UHRF2: variants seen among roughly 807,000 people sequenced by gnomAD.
UHRF2 encodes the protein ubiquitin like with PHD and ring finger domains 2, also known as E3 ubiquitin-protein ligase UHRF2.
A neutral mutation model predicts 96.8 loss-of-function variants in UHRF2; 23 were observed. That is an observed-to-expected ratio of 0.24 (90% confidence interval 0.17 to 0.34). UHRF2 has a LOEUF of 0.34. Ranked by LOEUF, UHRF2 falls within the 10% of genes least tolerant of loss-of-function variation. UHRF2 has a pLI of 1.00. For synonymous variants in UHRF2, 385 were observed against 332.6 expected, an observed-to-expected ratio of 1.16 and a Z score of -1.72; for missense variants, 685 against 981.5, an observed-to-expected ratio of 0.70 and a Z score of 4.04.
chr9:6,472,207 A>G (rs1282354413), intron 4 of UHRF2, among the ~76,000 whole-genome samples: 1 of 152,348 alleles, frequency 6.6e-6, no homozygotes, highest in South Asian at 2.1e-4. Context: ...TTTAGTCTCC[A>G]GAATTTTGAC....
rs1475969104 is a variant in UHRF2, at chr9:6,419,033, CTTA to C, written c.154-1874_154-1872del. ...CCGGCTGCATCTTTCCAAATGTCCCCTTATTATGAGGACACTAGCCATATTGGA... is the reference window on the plus strand; with the variant it reads ...CCGGCTGCATCTTTCCAAATGTCCCCTTATGAGGACACTAGCCATATTGGA... On this transcript the variant is annotated intron_variant, in intron 1 of 15. Coordinates refer to ENST00000276893, the MANE Select transcript of UHRF2 (RefSeq NM_152896.3). 3.9e-5 allele frequency among the ~76,000 whole-genome samples: 6 copies of C among 152,130 alleles called. No individual in the cohort carries two copies. The East Asian group carries it at 1.2e-3, about 29-fold the overall frequency.
At chr9:6,419,197 C>T (rs1240726962) in intron 1 of UHRF2, among the ~76,000 whole-genome samples, 1 of 152,148 alleles carries the variant, frequency 6.6e-6, no homozygotes, top group African/African-American at 2.4e-5. Context: ...TAGCTCGTAA[C>T]AGTAGGTTTT....
intron 3 of UHRF2, chr9:6,449,269 A>G (rs1159816020): frequency 6.6e-6 from 1 of 152,252 alleles, no homozygotes; most frequent in Non-Finnish European, 1.5e-5. Context: ...TCCCTCAGCC[A>G]GTGACCAAGT....
intron 12 of UHRF2, chr9:6,498,509 G>C (rs1267998448): frequency 6.0e-6 from 1 of 165,326 alleles, no homozygotes; most frequent in East Asian, 1.7e-4. Context: ...CACAGGGGGT[G>C]TCTCTCTGGT....
chr9:6,433,832 C>T, intron 2 of UHRF2, 82 bp from the exon 3 acceptor site: 2 of 1,436,132 alleles, frequency 1.4e-6, no homozygotes, highest in Non-Finnish European at 1.9e-6. Flanking sequence ...CATGATAACC[C>T]ACAAATAACT....
chr9:6,423,498 A>G, intron 2 of UHRF2, among the ~76,000 whole-genome samples: 1 of 152,328 alleles, frequency 6.6e-6, no homozygotes, highest in East Asian at 1.9e-4. Flanking sequence ...ACTTTAAGCA[A>G]ATATGGTTTG....
At chr9:6,413,853 G>C in intron 1 of UHRF2, 5 of 514,582 alleles carry the variant, frequency 9.7e-6, no homozygotes, top group East Asian at 3.7e-5. Flanking sequence ...CTGGAGGTGC[G>C]CCGCGCGGGG....
chr9:6,488,540 C>CTTTTTTTTTTTTTTTT (rs58280407), intron 9 of UHRF2, among the ~76,000 whole-genome samples: 15 of 83,812 alleles, frequency 1.8e-4, no homozygotes, highest in African/African-American at 3.8e-4. Flanking sequence ...TTTTTCTTTT[C>CTTTTTTTTTTTTTTTT]TTTTTTTTTT....
intron 10 of UHRF2, 56 bp downstream of exon 10, chr9:6,493,988 G>A (rs1310907474): frequency 6.8e-7 from 1 of 1,474,482 alleles, no homozygotes; most frequent in Non-Finnish European, 9.3e-7. Context: ...TTCATTATAG[G>A]ACTGTAAATT....
chr9:6,445,923 C>T (rs1417637121), intron 3 of UHRF2, among the ~76,000 whole-genome samples: 2 of 145,912 alleles, frequency 1.4e-5, no homozygotes, highest in African/African-American at 5.0e-5. Flanking sequence ...TTTTGCTTTT[C>T]ATTTACTAAT....
intron 6 of UHRF2, among the ~76,000 whole-genome samples, chr9:6,479,378 G>A (rs919575039): frequency 2.0e-5 from 3 of 151,982 alleles, no homozygotes; most frequent in Non-Finnish European, 4.4e-5. Context: ...AGGTAATCCC[G>A]ATTTTCTACC....
chr9:6,470,328 G>A (rs1218337888), intron 4 of UHRF2, among the ~76,000 whole-genome samples: 1 of 149,858 alleles, frequency 6.7e-6, no homozygotes, highest in African/African-American at 2.5e-5. Context: ...AGCTGAGATC[G>A]TGCCTAGGTG....
At chr9:6,456,078 T>G (rs1177525024) in intron 3 of UHRF2, among the ~76,000 whole-genome samples, 1 of 152,210 alleles carries the variant, frequency 6.6e-6, no homozygotes, top group Non-Finnish European at 1.5e-5. Flanking sequence ...TTAGGAAATA[T>G]ACGTACAGCC....
chr9:6,482,175 G>T (rs548769971), intron 8 of UHRF2, 76 bp downstream of exon 8: 2 of 1,200,236 alleles, frequency 1.7e-6, no homozygotes, highest in East Asian at 2.3e-5. Context: ...TCTGTTGATT[G>T]TAAGTGAACC....
chr9:6,475,777 G>A (rs1463801617), intron 5 of UHRF2, among the ~76,000 whole-genome samples: 1 of 151,934 alleles, frequency 6.6e-6, no homozygotes, highest in Non-Finnish European at 1.5e-5. Context: ...AGATATTTAA[G>A]GAGTATATGT....
intron 6 of UHRF2, 125 bp from the exon 7 acceptor site, chr9:6,481,518 A>T: frequency 9.2e-7 from 1 of 1,084,490 alleles, no homozygotes; most frequent in Non-Finnish European, 1.3e-6. Context: ...ATGCCAGTTA[A>T]AGCTCTGTAA....
At chr9:6,446,847 A>AAAAT (rs980709901) in intron 3 of UHRF2, among the ~76,000 whole-genome samples, 1 of 151,920 alleles carries the variant, frequency 6.6e-6, no homozygotes, top group Non-Finnish European at 1.5e-5. Flanking sequence ...TCTGTCTCAA[A>AAAAT]AAATAAATAA....
Position 6,454,632 on chromosome 9 carries a change from A to G in UHRF2, c.645-5941A>G, listed in dbSNP as rs145505680. ...TTAATCGAAATGAGTTAGGTACACT[A>G]TTAGAGTCCTGAGCTTACATAGTCC... On this transcript the variant is annotated intron_variant, in intron 3 of 15. Transcript: ENST00000276893. Among the ~76,000 whole-genome samples the G allele has an allele frequency of 4.2e-3, 637 of 152,238 alleles. 4 individuals are homozygous for G. Among genetic ancestry groups the G allele is most frequent in the Middle Eastern group, 0.014 (4 of 294 alleles).
Position 6,434,077 on chromosome 9 carries a change from A to G in UHRF2, c.548A>G (p.Lys183Arg). ...RTNGNIKHKS[K>R]ENTNKLDSVP... ...AATGGAAATATAAAGCATAAATCCA[A>G]AGAGAACACAAATAAATTGGACAGT... Residue 183 changes from lysine (K) to arginine (R), a missense_variant, in exon 3 of 16, where the codon AAA becomes AGA. Lys to Arg is a conservative substitution (Grantham distance 26). Coordinates refer to ENST00000276893, the MANE Select transcript of UHRF2 (RefSeq NM_152896.3). The G allele has an allele frequency of 1.2e-6, 2 of 1,614,134 alleles. No individual in the cohort carries two copies. The highest frequency in any genetic ancestry group is 1.1e-5 in the South Asian group (1 of 91,082).
Sources: allele counts gnomAD v4.1 joint callset (sites outside exome capture counted in the v4.1 genomes callset), GRCh38; gene constraint gnomAD v4.1.1; transcripts MANE v1.5; gene names NCBI Gene and HGNC (gene_info 2026-07-23, HGNC 2026-07-21).